The following SAP130 variants were observed in gnomAD, a reference collection of about 807,000 sequenced individuals.
SAP130 encodes Sin3A associated protein 130, also known as histone deacetylase complex subunit SAP130.
Under a neutral mutation model 103.2 loss-of-function variants are expected in SAP130, and 16 were observed. That is an observed-to-expected ratio of 0.16 (90% CI 0.10 to 0.24). The LOEUF is 0.24. Among genes scored for constraint, SAP130 ranks in the 10% least tolerant of loss-of-function variants. The pLI is 1.00. For synonymous variants in SAP130, 477 were observed against 497.0 expected (o/e 0.96, Z 0.53); for missense variants, 990 against 1,359.7 (o/e 0.73, Z 4.28).
rs540785061 is a variant in SAP130 at position 127,986,282 on chromosome 2, G to C, written c.1958+503C>G. 6.4e-4 allele frequency among the ~76,000 whole-genome samples: 98 copies of C among 152,354 alleles called. 1 individual carries two copies. The highest frequency in any genetic ancestry group is 1.4e-3 in the South Asian group (7 of 4,830). Reference sequence around the variant, plus strand: ...ACATTCACCTCTAGACACTGCTGTAGGGTTGGAGCGACACAGCCTGCCTGT... The same window carrying C: ...ACATTCACCTCTAGACACTGCTGTACGGTTGGAGCGACACAGCCTGCCTGT... On this transcript the variant is annotated intron_variant, in intron 14 of 20. Coordinates refer to ENST00000643581, the MANE Select transcript of SAP130 (RefSeq NM_001330301.2). This position sits in a 1 kb window ranked among gnomAD's most constrained non-coding sequence, Gnocchi z 4.7.
At chr2:127,995,115 T>G (rs1683081275) in intron 11 of SAP130, among the ~76,000 whole-genome samples, 1 of 152,218 alleles carries the variant, frequency 6.6e-6, no homozygotes, top group Non-Finnish European at 1.5e-5. Context: ...GGGGTTGAAC[T>G]AGAGATATCA....
intron 16 of SAP130, among the ~76,000 whole-genome samples, chr2:127,951,193 G>A (rs1240004200): frequency 6.6e-6 from 1 of 152,138 alleles, no homozygotes; most frequent in Non-Finnish European, 1.5e-5. Context: ...CTCACCGACC[G>A]CAGTGTGCTA....
intron 7 of SAP130, among the ~76,000 whole-genome samples, chr2:128,002,210 C>A (rs867574890): frequency 4.6e-5 from 7 of 152,168 alleles, no homozygotes; most frequent in Non-Finnish European, 8.8e-5. Context: ...AGCCAATGTG[C>A]CCGGCCAAAA....
chr2:127,996,868 G>C lies in SAP130; in HGVS notation c.1214-377C>G, dbSNP rs182837449. Among the ~76,000 whole-genome samples, 2 of 152,144 alleles carry C rather than the reference G, an allele frequency of 1.3e-5. No homozygotes were observed. Among genetic ancestry groups the C allele is most frequent in the East Asian group, 3.9e-4 (2 of 5,172 alleles). On this transcript the variant is annotated intron_variant, in intron 10 of 20. Coordinates refer to ENST00000643581, the MANE Select transcript of SAP130 (RefSeq NM_001330301.2). The surrounding 1 kb of genome is among the most constrained non-coding windows in gnomAD (Gnocchi z 4.3). ...GGAGTTCAAGGCTACAGTGAGCCATGACTGCACCACTATACTCCAGCCTCA... is the reference window on the plus strand; with the variant it reads ...GGAGTTCAAGGCTACAGTGAGCCATCACTGCACCACTATACTCCAGCCTCA...
chr2:127,987,804 C>T (rs1682506670), intron 13 of SAP130, among the ~76,000 whole-genome samples: 1 of 152,126 alleles, frequency 6.6e-6, no homozygotes, highest in African/African-American at 2.4e-5. Context: ...TGGTACCCTC[C>T]CCAGTCTATC....
intron 11 of SAP130, among the ~76,000 whole-genome samples, chr2:127,994,867 A>G (rs929390790): frequency 5.3e-5 from 8 of 152,146 alleles, no homozygotes; most frequent in Admixed American, 4.6e-4. Context: ...TCATAAATCT[A>G]TAAACATTTA....
intron 11 of SAP130, among the ~76,000 whole-genome samples, chr2:127,995,234 T>G (rs139349869): frequency 2.0e-5 from 3 of 152,360 alleles, no homozygotes; most frequent in Admixed American, 2.0e-4. Flanking sequence ...TGCCCAGATC[T>G]TGGTTTGTAA....
In SAP130 at chr2:127,989,027, A is replaced by C. The variant is rs1043632785; in HGVS notation, c.1780+537T>G. 6.6e-6 allele frequency among the ~76,000 whole-genome samples: 1 copy of C among 152,138 alleles called. No individual in the cohort carries two copies. Among genetic ancestry groups the C allele is most frequent in the South Asian group, 2.1e-4 (1 of 4,830 alleles). On this transcript the variant is annotated intron_variant, in intron 13 of 20. Transcript: ENST00000643581. The surrounding 1 kb of genome is among the most constrained non-coding windows in gnomAD (Gnocchi z 4.6). ...CTTATAAGGTGAATTTTTTCCCACA[A>C]CTAGGAGCTTTTAAAAAAGATAACA... is the stretch of plus-strand genomic sequence containing the variant.
rs552463069 is a variant in SAP130, at chr2:128,025,693, A to G, written c.112+488T>C. On this transcript the variant is annotated intron_variant, in intron 2 of 20. Transcript: ENST00000643581. ...ATATACTGGAGGATAGGTATAGGTA[A>G]TATGCAAACACTATACCATTTTACA... Among the ~76,000 whole-genome samples the G allele has an allele frequency of 5.9e-5, 9 of 152,328 alleles. No individual in the cohort carries two copies. In the South Asian group the frequency reaches 1.5e-3, roughly 25 times the overall value.
intron 7 of SAP130, among the ~76,000 whole-genome samples, chr2:128,004,049 C>T (rs1683784260): frequency 7.6e-6 from 1 of 131,900 alleles, no homozygotes; most frequent in Non-Finnish European, 1.6e-5. Flanking sequence ...CTGACATCTA[C>T]AGAAAATACA....
rs1160768135 is a variant in SAP130 at position 128,016,442 on chromosome 2, T to C, written c.454A>G (p.Ser152Gly). The C allele has an allele frequency of 1.9e-6, 3 of 1,614,050 alleles. No individual in the cohort carries two copies. The highest frequency in any genetic ancestry group is 2.5e-6 in the Non-Finnish European group (3 of 1,180,006). Reference sequence around the variant, plus strand: ...ATGGCTGAAGCTTGAGGGATGCTACTCTCCATGGTAACGGTAACCTGCCCT... The same window carrying C: ...ATGGCTGAAGCTTGAGGGATGCTACCCTCCATGGTAACGGTAACCTGCCCT... ...VPGQVTVTME[S>G]SIPQASAIPV... The change falls in exon 4 of 21, where the codon AGT becomes GGT. Residue 152 changes from serine (S) to glycine (G), a missense_variant. Ser to Gly is a moderately conservative substitution (Grantham distance 56). This residue lies in a region of SAP130 where 336 missense variants were observed against 520.1 expected (regional missense o/e 0.65). Transcript: ENST00000643581.
rs139741581 is a variant in SAP130, at chr2:127,964,119, G to A, written c.2064-8775C>T. ...CTGAGGCAGGACGATGACCTGAGCC[G>A]AGGAGTTCAAGGCTTCAGTGAACTG... On this transcript the variant is annotated intron_variant, in intron 15 of 20. Coordinates refer to ENST00000643581, the MANE Select transcript of SAP130 (RefSeq NM_001330301.2). 4.3e-4 allele frequency among the ~76,000 whole-genome samples: 65 copies of A among 152,200 alleles called. 1 individual carries two copies. Among genetic ancestry groups the A allele is most frequent in the African/African-American group, 1.3e-3 (56 of 41,504 alleles).
chr2:127,942,237 T>C lies in SAP130; in HGVS notation c.3016-73A>G. ...ACAGCTTTTAAAAAACTGCTTGCCT[T>C]TGGGCAGAGGCCATGTTGAGGCTTC... On this transcript the variant is annotated intron_variant, in intron 20 of 20. Coordinates refer to ENST00000643581, the MANE Select transcript of SAP130 (RefSeq NM_001330301.2). The surrounding 1 kb of genome is among the most constrained non-coding windows in gnomAD (Gnocchi z 4.8). The C allele has an allele frequency of 7.0e-7, 1 of 1,419,294 alleles. No individual in the cohort carries two copies. The highest frequency in any genetic ancestry group is 1.3e-5 in the South Asian group (1 of 74,638). The allele number at this position is 1,419,294 out of a possible 1,614,324, so 87.9% of individuals were successfully genotyped here.
intron 14 of SAP130, among the ~76,000 whole-genome samples, chr2:127,978,928 G>A (rs1368412576): frequency 1.3e-5 from 2 of 152,130 alleles, no homozygotes; most frequent in South Asian, 2.1e-4. Flanking sequence ...ATTACTCTAC[G>A]GGTGCAGTCA....
At chr2:127,981,270 T>C (rs889071764) in intron 14 of SAP130, among the ~76,000 whole-genome samples, 1 of 151,584 alleles carries the variant, frequency 6.6e-6, no homozygotes, top group Non-Finnish European at 1.5e-5. Context: ...TAAAGACACC[T>C]GTACCCGACT....
rs1421841529 is a variant in SAP130 at position 127,985,701 on chromosome 2, C to T, written c.1958+1084G>A. ...GGGCTCCACCCCCAGCCTGTGCCCACGGATCTAGGTGAGGACAGGCATTTT... is the reference window on the plus strand; with the variant it reads ...GGGCTCCACCCCCAGCCTGTGCCCATGGATCTAGGTGAGGACAGGCATTTT... On this transcript the variant is annotated intron_variant, in intron 14 of 20. Transcript: ENST00000643581. Among the ~76,000 whole-genome samples, 11 of 152,156 alleles carry T rather than the reference C, an allele frequency of 7.2e-5. No individual in the cohort carries two copies. The East Asian group carries it at 9.7e-4, about 13-fold the overall frequency.
At chr2:128,022,644 A>C (rs533727118) in intron 2 of SAP130, among the ~76,000 whole-genome samples, 135 of 152,252 alleles carry the variant, frequency 8.9e-4, no homozygotes, top group Non-Finnish European at 1.4e-3. Context: ...TTGTAATTTC[A>C]GTCTTTCTAC....
At position 127,986,907 on chromosome 2, in the gene SAP130, G is replaced by A; in HGVS notation, c.1836C>T (p.Phe612=). ...CGGTTGTTGCTGCTGGAGCAGCACT[G>A]AATGGATTGCTAATAGGGTTGGCCA... is the stretch of plus-strand genomic sequence containing the variant. ...TIVANPISNP[F]SAAPAATTVV... The change falls in exon 14 of 21, where the codon TTC becomes TTT. Residue 612 remains phenylalanine (F), a synonymous_variant. Coordinates refer to ENST00000643581, the MANE Select transcript of SAP130 (RefSeq NM_001330301.2). This position sits in a 1 kb window ranked among gnomAD's most constrained non-coding sequence, Gnocchi z 4.7. The A allele has an allele frequency of 1.2e-6, 2 of 1,614,180 alleles. No individual in the cohort carries two copies. The highest frequency in any genetic ancestry group is 1.7e-6 in the Non-Finnish European group (2 of 1,180,006).
intron 15 of SAP130, among the ~76,000 whole-genome samples, chr2:127,971,870 C>A (rs1681117435): frequency 1.3e-5 from 2 of 152,200 alleles, no homozygotes; most frequent in African/African-American, 4.8e-5. Flanking sequence ...TCTTAAGGAA[C>A]AGATTAATAT....
Sources: allele counts gnomAD v4.1 joint callset (sites outside exome capture counted in the v4.1 genomes callset), GRCh38; gene constraint gnomAD v4.1.1; regional missense constraint gnomAD v4.1.1; non-coding constraint Gnocchi (gnomAD v3.1); transcripts MANE v1.5; gene names NCBI Gene and HGNC (gene_info 2026-07-23, HGNC 2026-07-21).